The following GPR4 variants were observed in gnomAD, a reference collection of about 807,000 sequenced individuals.
The protein encoded by GPR4 is G protein-coupled receptor 4.
GPR4 carries 11 observed loss-of-function variants against 17.8 expected under a neutral mutation model. The ratio of observed to expected loss-of-function variants is 0.62; its 90% CI spans 0.39 to 1.02. GPR4 has a LOEUF of 1.02. Among genes scored for constraint, GPR4 ranks in the 50% least tolerant of loss-of-function variants. GPR4 has a pLI of 0.00. For missense variants in GPR4, 364 were observed against 495.4 expected, an observed-to-expected ratio of 0.73 and a Z score of 2.52; for synonymous variants, 219 against 222.8, an observed-to-expected ratio of 0.98 and a Z score of 0.15.
At position 45,591,078 on chromosome 19, in the gene GPR4, G is replaced by C. The variant is rs1310847874; in HGVS notation, c.789C>G (p.Arg263=). The C allele has an allele frequency of 1.9e-6, 3 of 1,613,746 alleles. No homozygotes were observed. The Admixed American group carries it at 5.0e-5, about 27-fold the overall frequency. ...GTGAGCTGTGGTATGCAGAAAAGAC[G>C]CGCTCCTCGAAGCCGCAGTCCCAGG... The part of the protein sequence containing the change: ...GRPWDCGFEE[R]VFSAYHSSLA... The change falls in exon 2 of 2, where the codon CGC becomes CGG. Residue 263 remains arginine, a synonymous_variant. Coordinates refer to ENST00000323040, the MANE Select transcript of GPR4 (RefSeq NM_005282.3). This position sits in a 1 kb window ranked among gnomAD's most constrained non-coding sequence, Gnocchi z 7.6.
chr19:45,591,048 A>G lies in GPR4; in HGVS notation c.819T>C (p.Ala273=). The G allele has an allele frequency of 6.2e-7, 1 of 1,614,014 alleles. No individual in the cohort carries two copies. Among genetic ancestry groups the G allele is most frequent in the South Asian group, 1.1e-5 (1 of 91,092 alleles). Residue 273 remains alanine, a synonymous_variant, in exon 2 of 2, where the codon GCT becomes GCC. Coordinates refer to ENST00000323040, the MANE Select transcript of GPR4 (RefSeq NM_005282.3). This position sits in a 1 kb window ranked among gnomAD's most constrained non-coding sequence, Gnocchi z 7.6. The part of the protein sequence containing the change: ...RVFSAYHSSL[A]FTSLNCVADP... Reference sequence around the variant, plus strand: ...CCGCCACACAGTTGAGGCTGGTGAAAGCCAGTGAGCTGTGGTATGCAGAAA... The same window carrying G: ...CCGCCACACAGTTGAGGCTGGTGAAGGCCAGTGAGCTGTGGTATGCAGAAA...
intron 1 of GPR4, among the ~76,000 whole-genome samples, chr19:45,593,775 C>T (rs1310155680): frequency 1.3e-5 from 2 of 151,996 alleles, no homozygotes; most frequent in African/African-American, 2.4e-5. Flanking sequence ...CCACTCCTTA[C>T]CCAAGAATCC....
intron 1 of GPR4, among the ~76,000 whole-genome samples, chr19:45,601,699 G>A (rs1489046806): frequency 6.6e-6 from 1 of 152,128 alleles, no homozygotes; most frequent in Non-Finnish European, 1.5e-5. Flanking sequence ...CAGAGACAGG[G>A]AGAGATGGAG....
In GPR4 at chr19:45,594,046, TAAAA is replaced by T. The variant is rs1177623997; in HGVS notation, c.-831-1353_-831-1350del. Among the ~76,000 whole-genome samples the T allele has an allele frequency of 7.1e-3, 355 of 50,244 alleles. 7 individuals carry two copies. The highest frequency in any genetic ancestry group is 9.3e-3 in the Middle Eastern group (1 of 108). 33.0% of individuals were successfully genotyped at this position (50,244 alleles called of 152,430 possible). A position where few individuals can be genotyped will look rare whatever the true frequency, so the allele number is the denominator to read the frequency against. On this transcript the variant is annotated intron_variant, in intron 1 of 1. Coordinates refer to ENST00000323040, the MANE Select transcript of GPR4 (RefSeq NM_005282.3). ...CAGGCATGCACCACCATGCCTGGCTTAAAAAAAAAAAAAAAAAATATATATATAT... is the reference window on the plus strand; with the variant it reads ...CAGGCATGCACCACCATGCCTGGCTTAAAAAAAAAAAAAATATATATATAT...
chr19:45,599,130 TC>T (rs1293918676), intron 1 of GPR4, among the ~76,000 whole-genome samples: 1 of 152,064 alleles, frequency 6.6e-6, no homozygotes, highest in Non-Finnish European at 1.5e-5. Context: ...GCTGGCCCCT[TC>T]CAGAGAGTCG....
Position 45,590,748 on chromosome 19 carries a change from G to C in GPR4, c.*30C>G. ...GAGAAGGGACTGTGGGATGAGAGGG[G>C]AAAACTGGGGATTCTGTGCCACTCG... is the stretch of plus-strand genomic sequence containing the variant. On this transcript the variant is annotated 3_prime_UTR_variant, in exon 2 of 2. Coordinates refer to ENST00000323040, the MANE Select transcript of GPR4 (RefSeq NM_005282.3). 1 of 1,535,690 alleles carries C rather than the reference G, an allele frequency of 6.5e-7. No homozygotes were observed. The highest frequency in any genetic ancestry group is 8.8e-7 in the Non-Finnish European group (1 of 1,141,286).
intron 1 of GPR4, among the ~76,000 whole-genome samples, chr19:45,601,133 A>G (rs899966936): frequency 1.3e-5 from 2 of 151,460 alleles, no homozygotes; most frequent in Non-Finnish European, 2.9e-5. Flanking sequence ...TGGAGGGGGA[A>G]CTGGGGGGTG....
At chr19:45,595,455 A>C (rs1042927488) in intron 1 of GPR4, among the ~76,000 whole-genome samples, 28 of 151,988 alleles carry the variant, frequency 1.8e-4, no homozygotes, top group African/African-American at 6.8e-4. Context: ...GAGCATGGGG[A>C]AGCCCTGGGG....
rs1459238892 is a variant in GPR4, at chr19:45,591,438, G to T, written c.429C>A (p.Ala143=). 9.4e-6 allele frequency: 15 copies of T among 1,603,828 alleles called. No individual in the cohort carries two copies. The highest frequency in any genetic ancestry group is 1.3e-5 in the Non-Finnish European group (15 of 1,177,528). ...GCGCCGAGTTGGCGCCCAGCTCCGT[G>T]GCCCAGACCACGGAGCTCACGGCCA... ...TAVAVSSVVW[A]TELGANSAPL... The change falls in exon 2 of 2, where the codon GCC becomes GCA. Residue 143 remains alanine, a synonymous_variant. Coordinates refer to ENST00000323040, the MANE Select transcript of GPR4 (RefSeq NM_005282.3). This position sits in a 1 kb window ranked among gnomAD's most constrained non-coding sequence, Gnocchi z 7.6.
Position 45,592,587 on chromosome 19 carries a change from A to T in GPR4, c.-721T>A, listed in dbSNP as rs141987118. The T allele has an allele frequency of 6.0e-6, 1 of 167,278 alleles. No individual in the cohort carries two copies. Among genetic ancestry groups the T allele is most frequent in the African/African-American group, 2.4e-5 (1 of 41,412 alleles). 10.4% of individuals were successfully genotyped at this position (167,278 alleles called of 1,614,324 possible). A position where few individuals can be genotyped will look rare whatever the true frequency, so the allele number is the denominator to read the frequency against. ...GGTGAGTAAGGTCTAGATCAGAGGT[A>T]AGTTTGGGGACGGAAGGGAAATTTC... On this transcript the variant is annotated 5_prime_UTR_variant, in exon 2 of 2. Transcript: ENST00000323040.
chr19:45,594,058 A>AT (rs1970027471), intron 1 of GPR4, among the ~76,000 whole-genome samples: 1 of 57,982 alleles, frequency 1.7e-5, no homozygotes, highest in Non-Finnish European at 2.9e-5. Flanking sequence ...AAAAAAAAAA[A>AT]AAAAAATATA....
chr19:45,595,105 T>G (rs1221614089), intron 1 of GPR4, among the ~76,000 whole-genome samples: 1 of 151,862 alleles, frequency 6.6e-6, no homozygotes, highest in South Asian at 2.1e-4. Flanking sequence ...GGAGAAGCCC[T>G]GTCTCTACTA....
rs1970004248 is a variant in GPR4 at position 45,592,135 on chromosome 19, G to A, written c.-269C>T. The A allele has an allele frequency of 2.4e-6, 1 of 422,266 alleles. No individual in the cohort carries two copies. Among genetic ancestry groups the A allele is most frequent in the Non-Finnish European group, 4.4e-6 (1 of 226,262 alleles). 26.2% of individuals were successfully genotyped at this position (422,266 alleles called of 1,614,324 possible). ...GAGATTAATAAAGAGGTTTTTCAAG[G>A]AGGTTATGTATGGAGTCAGTGTGTC... On this transcript the variant is annotated 5_prime_UTR_variant, in exon 2 of 2. Transcript: ENST00000323040.
At chr19:45,594,129 G>A (rs1268061763) in intron 1 of GPR4, among the ~76,000 whole-genome samples, 1 of 134,100 alleles carries the variant, frequency 7.5e-6, no homozygotes, top group Non-Finnish European at 1.5e-5. Flanking sequence ...TGCCCAGGCT[G>A]GTCTCTTGAA....
At chr19:45,596,328 C>G (rs529144856) in intron 1 of GPR4, among the ~76,000 whole-genome samples, 7 of 151,534 alleles carry the variant, frequency 4.6e-5, no homozygotes, top group African/African-American at 1.7e-4. Flanking sequence ...GCCTCTTCCT[C>G]TGGAGTAGCT....
At chr19:45,599,237 C>T (rs924322452) in intron 1 of GPR4, among the ~76,000 whole-genome samples, 3 of 152,170 alleles carry the variant, frequency 2.0e-5, no homozygotes, top group African/African-American at 4.8e-5. Flanking sequence ...CCTCGGCTGC[C>T]GCATCCTGCC....
chr19:45,598,457 C>T (rs1321567963), intron 1 of GPR4, among the ~76,000 whole-genome samples: 1 of 151,988 alleles, frequency 6.6e-6, no homozygotes, highest in East Asian at 1.9e-4. Flanking sequence ...AATACACTTC[C>T]CATTGCTAAT....
At chr19:45,597,621 A>G (rs757228002) in intron 1 of GPR4, among the ~76,000 whole-genome samples, 1 of 152,224 alleles carries the variant, frequency 6.6e-6, no homozygotes, top group Non-Finnish European at 1.5e-5. Context: ...GTCAGGGAGC[A>G]CAGAGCCATT....
At chr19:45,594,737 CT>C (rs1417266012) in intron 1 of GPR4, among the ~76,000 whole-genome samples, 16 of 66,782 alleles carry the variant, frequency 2.4e-4, no homozygotes, top group South Asian at 1.1e-3. Context: ...AATCCCAGCA[CT>C]TTGGGAGGCC....
Sources: gnomAD v4.1 joint callset for allele counts (sites outside exome capture counted in the v4.1 genomes callset) on GRCh38, gnomAD v4.1.1 for gene constraint, Gnocchi (gnomAD v3.1) non-coding constraint, MANE v1.5 for transcripts, NCBI Gene and HGNC (gene_info 2026-07-23, HGNC 2026-07-21) for gene names.